ATXN2: variants seen among roughly 807,000 people sequenced by gnomAD.
The protein encoded by ATXN2 is ataxin 2, also known as ataxin-2.
A neutral mutation model predicts 138.6 loss-of-function variants in ATXN2; 37 were observed. The ratio of observed to expected loss-of-function variants is 0.27; its 90% CI spans 0.21 to 0.35. The LOEUF (loss-of-function observed/expected upper bound fraction) is 0.35, where lower values mean the gene tolerates loss of function less well. ATXN2 is among the 10% of genes least tolerant of loss of function. The probability of loss-of-function intolerance (pLI) is 1.00; values close to 1 mark genes in which losing one functional copy is unlikely to be tolerated. For missense variants in ATXN2, 1,216 were observed against 1,480.3 expected (o/e 0.82, Z 2.93); for synonymous variants, 549 against 543.7 (o/e 1.01, Z -0.13).
At chr12:111,556,970 C>A (rs1882425732) in intron 1 of ATXN2, among the ~76,000 whole-genome samples, 1 of 151,964 alleles carries the variant, frequency 6.6e-6, no homozygotes, top group African/African-American at 2.4e-5. Context: ...CTTGCCAACT[C>A]TCTCCCTCAG....
chr12:111,525,361 C>A, intron 5 of ATXN2, 45 bp from the exon 6 acceptor site: 1 of 1,487,820 alleles, frequency 6.7e-7, no homozygotes, highest in Non-Finnish European at 9.0e-7. Flanking sequence ...ATCTGGCAAT[C>A]AGTTACACTC....
At chr12:111,585,830 A>AAAACC (rs1884296103) in intron 1 of ATXN2, among the ~76,000 whole-genome samples, 1 of 147,510 alleles carries the variant, frequency 6.8e-6, no homozygotes, top group Non-Finnish European at 1.5e-5. Flanking sequence ...AAAAAAAAAA[A>AAAACC]CCTCCCAGAA....
chr12:111,503,696 T>C (rs1161827541), intron 14 of ATXN2, among the ~76,000 whole-genome samples: 3 of 151,962 alleles, frequency 2.0e-5, no homozygotes, highest in Non-Finnish European at 4.4e-5. Flanking sequence ...TTCAAGTGAT[T>C]CTCCTGCCTC....
chr12:111,562,246 C>G (rs1243764763), intron 1 of ATXN2, among the ~76,000 whole-genome samples: 1 of 152,032 alleles, frequency 6.6e-6, no homozygotes, highest in Non-Finnish European at 1.5e-5. Flanking sequence ...CCATCCTGAG[C>G]AACTTCGCAA....
chr12:111,494,922 T>C (rs971054971), intron 14 of ATXN2, among the ~76,000 whole-genome samples: 8 of 152,104 alleles, frequency 5.3e-5, no homozygotes, highest in Admixed American at 2.6e-4. Context: ...AGTAACAAAA[T>C]GGTAGTAGTT....
At chr12:111,460,581 T>G (rs962848144) in intron 21 of ATXN2, among the ~76,000 whole-genome samples, 66 of 147,908 alleles carry the variant, frequency 4.5e-4, no homozygotes, top group African/African-American at 9.7e-4. Context: ...GAGGTTTTTG[T>G]TTTTTTTTTG....
At chr12:111,540,806 T>C (rs1881458654) in intron 5 of ATXN2, among the ~76,000 whole-genome samples, 1 of 148,492 alleles carries the variant, frequency 6.7e-6, no homozygotes, top group African/African-American at 2.4e-5. Context: ...GCAATTCTCC[T>C]GCCTTAGCCT....
In ATXN2 at chr12:111,598,558, G is replaced by A. The variant is rs1885055980; in HGVS notation, c.251+226C>T. ...CTCCATCTTGACCGCCGGGGGAGGGGGCGGGGATGCTGCGGGAGGCTGGAC... is the reference window on the plus strand; with the variant it reads ...CTCCATCTTGACCGCCGGGGGAGGGAGCGGGGATGCTGCGGGAGGCTGGAC... On this transcript the variant is annotated intron_variant, in intron 1 of 24. Transcript: ENST00000673436. This position sits in a 1 kb window ranked among gnomAD's most constrained non-coding sequence, Gnocchi z 4.5. 4 of 984,256 alleles carry A rather than the reference G, an allele frequency of 4.1e-6. No homozygotes were observed. The highest frequency in any genetic ancestry group is 9.4e-5 in the South Asian group (2 of 21,260). The allele number at this position is 984,256 out of a possible 1,614,324, so 61.0% of individuals were successfully genotyped here. A position where few individuals can be genotyped will look rare whatever the true frequency, so the allele number is the denominator to read the frequency against.
chr12:111,562,259 C>T (rs1249525901), intron 1 of ATXN2, among the ~76,000 whole-genome samples: 11 of 152,164 alleles, frequency 7.2e-5, no homozygotes, highest in South Asian at 6.2e-4. Context: ...CTTCGCAAGA[C>T]CCCATCTCTA....
intron 6 of ATXN2, among the ~76,000 whole-genome samples, chr12:111,521,371 T>C (rs1161448367): frequency 2.0e-5 from 3 of 152,198 alleles, no homozygotes; most frequent in Admixed American, 2.0e-4. Flanking sequence ...ATTTTACTTC[T>C]TTTAAACAAG....
chr12:111,492,678 T>A (rs1357226269), intron 14 of ATXN2, among the ~76,000 whole-genome samples: 1 of 149,354 alleles, frequency 6.7e-6, no homozygotes, highest in Non-Finnish European at 1.5e-5. Flanking sequence ...CGAGACTCTG[T>A]CTCAAAAACA....
Position 111,552,948 on chromosome 12 carries a change from A to G in ATXN2, c.378T>C (p.Asn126=). 6.4e-7 allele frequency: 1 copy of G among 1,566,962 alleles called. No individual in the cohort carries two copies. The highest frequency in any genetic ancestry group is 1.2e-5 in the South Asian group (1 of 81,666). ...TAAAAACTCCTTCATATATACCTCC[A>G]TTTTTCACTTGTACTTCACATTTGG... ...VGSKCEVQVK[N]GGIYEGVFKT... is the part of the protein sequence containing the mutation. Residue 126 remains asparagine, a synonymous_variant, in exon 4 of 25, where the codon AAT becomes AAC. Coordinates refer to ENST00000673436, the MANE Select transcript of ATXN2 (RefSeq NM_001372574.1). The surrounding 1 kb of genome is among the most constrained non-coding windows in gnomAD (Gnocchi z 4.1).
At chr12:111,464,427 C>T (rs186271057) in intron 21 of ATXN2, among the ~76,000 whole-genome samples, 34 of 150,464 alleles carry the variant, frequency 2.3e-4, no homozygotes, top group Non-Finnish European at 8.8e-5. Context: ...TTCCCAGTCA[C>T]ATTTGCTTGG....
At chr12:111,531,363 C>T (rs982725225) in intron 5 of ATXN2, among the ~76,000 whole-genome samples, 7 of 152,120 alleles carry the variant, frequency 4.6e-5, no homozygotes, top group African/African-American at 1.4e-4. Context: ...ACTAGGGAGG[C>T]GGAGGTTGTA....
rs995357360 is a variant in ATXN2 at position 111,538,796 on chromosome 12, A to G, written c.572-13480T>C. Among the ~76,000 whole-genome samples, 5 of 150,534 alleles carry G rather than the reference A, an allele frequency of 3.3e-5. 1 individual carries two copies. Among genetic ancestry groups the G allele is most frequent in the African/African-American group, 4.8e-5 (2 of 41,336 alleles). The stretch of plus-strand genomic sequence containing the variant: ...TCAACTAAAAAATAATAAAAAACTC[A>G]AACTTACTAATCAGATTCCTCTGAA... On this transcript the variant is annotated intron_variant, in intron 5 of 24. Transcript: ENST00000673436.
chr12:111,570,298 G>C (rs1445769009), intron 1 of ATXN2, among the ~76,000 whole-genome samples: 1 of 152,172 alleles, frequency 6.6e-6, no homozygotes. Context: ...AAGACTATCA[G>C]TGGAGGAGAG....
chr12:111,510,358 T>C (rs1244230246), intron 12 of ATXN2, 27 bp downstream of exon 12: 4 of 1,600,044 alleles, frequency 2.5e-6, no homozygotes, highest in Admixed American at 1.7e-5. Context: ...GCTGAGATTA[T>C]GGATCCAGAA....
At chr12:111,586,286 A>G (rs954816085) in intron 1 of ATXN2, among the ~76,000 whole-genome samples, 70 of 148,668 alleles carry the variant, frequency 4.7e-4, no homozygotes, top group African/African-American at 1.7e-3. Context: ...CAGTGGCACA[A>G]TCTGAGCTCA....
chr12:111,456,995 G>A (rs539128728), intron 22 of ATXN2, among the ~76,000 whole-genome samples: 4 of 152,176 alleles, frequency 2.6e-5, no homozygotes, highest in African/African-American at 4.8e-5. Context: ...TGATCCACCC[G>A]CCTCGGCCTC....
Sources: allele counts gnomAD v4.1 joint callset (sites outside exome capture counted in the v4.1 genomes callset), GRCh38; gene constraint gnomAD v4.1.1; non-coding constraint Gnocchi (gnomAD v3.1); transcripts MANE v1.5; gene names NCBI Gene and HGNC (gene_info 2026-07-23, HGNC 2026-07-21).